COL19A1: variants seen among roughly 807,000 people sequenced by gnomAD.
COL19A1 encodes collagen alpha-1(XIX) chain.
COL19A1 carries 159 observed loss-of-function variants against 190.2 expected under a neutral mutation model. That is an observed-to-expected ratio of 0.84 (90% CI 0.73 to 0.95). COL19A1 has a LOEUF of 0.95. COL19A1 is among the 40% of genes least tolerant of loss of function. COL19A1 has a pLI of 0.00. For synonymous variants in COL19A1, 509 were observed against 458.9 expected (o/e 1.11, Z -1.39); for missense variants, 1,418 against 1,431.9 (o/e 0.99, Z 0.16).
intron 4 of COL19A1, among the ~76,000 whole-genome samples, chr6:69,906,239 C>T (rs1770540311): frequency 6.6e-6 from 1 of 152,150 alleles, no homozygotes; most frequent in Non-Finnish European, 1.5e-5. Flanking sequence ...TTTCTACATG[C>T]TGTTGGTTCT....
chr6:70,131,717 T>C (rs1785536015), intron 18 of COL19A1, among the ~76,000 whole-genome samples: 4 of 152,232 alleles, frequency 2.6e-5, no homozygotes, highest in Admixed American at 2.6e-4. Context: ...ATAGGACAGC[T>C]GAGCAAAGAA....
intron 12 of COL19A1, among the ~76,000 whole-genome samples, chr6:70,027,674 A>T (rs921990013): frequency 6.6e-6 from 1 of 152,180 alleles, no homozygotes; most frequent in African/African-American, 2.4e-5. Flanking sequence ...TAAATAATGC[A>T]TACAAAACAT....
chr6:69,936,016 C>T (rs1019398709), intron 7 of COL19A1, among the ~76,000 whole-genome samples: 2 of 152,112 alleles, frequency 1.3e-5, no homozygotes, highest in African/African-American at 4.8e-5. Flanking sequence ...TAACTCTCTC[C>T]TAGTGCTTTC....
At chr6:70,034,921 GT>G (rs1779268751) in intron 13 of COL19A1, among the ~76,000 whole-genome samples, 1 of 152,126 alleles carries the variant, frequency 6.6e-6, no homozygotes. Context: ...TTATCTCTGT[GT>G]TAAAGGTGAT....
chr6:69,905,068 C>A (rs1201196924), intron 4 of COL19A1, among the ~76,000 whole-genome samples: 1 of 152,128 alleles, frequency 6.6e-6, no homozygotes, highest in East Asian at 1.9e-4. Flanking sequence ...ACCACTGACA[C>A]CAGGTACCAC....
chr6:70,136,573 A>G (rs2150229634), intron 18 of COL19A1, among the ~76,000 whole-genome samples: 1 of 152,308 alleles, frequency 6.6e-6, no homozygotes, highest in East Asian at 1.9e-4. Flanking sequence ...ATTTGTTTCA[A>G]ATATTCAATA....
At chr6:70,161,288 T>C (rs16868588) in intron 34 of COL19A1, among the ~76,000 whole-genome samples, 4,539 of 152,272 alleles carry the variant, frequency 0.03, 250 homozygotes, top group African/African-American at 0.1. Flanking sequence ...AATCATCTAT[T>C]TCTTCAATGG....
intron 2 of COL19A1, chr6:69,889,824 T>C (rs1769218048): frequency 6.6e-6 from 1 of 151,934 alleles, no homozygotes; most frequent in African/African-American, 2.4e-5. Flanking sequence ...TGGGGAAAAA[T>C]AAGGGAATAA....
rs575017965 is a variant in COL19A1, at chr6:70,148,344, G to A, written c.1894-1360G>A. Among the ~76,000 whole-genome samples the A allele has an allele frequency of 3.3e-5, 5 of 151,904 alleles. No individual in the cohort carries two copies. In the East Asian group the frequency reaches 7.8e-4, roughly 24 times the overall value. ...AAACCCAAGGGATTAGGAGCTCTGT[G>A]TCAGGAACCAGGGTCAAAAAACAAG... On this transcript the variant is annotated intron_variant, in intron 27 of 50. Transcript: ENST00000620364.
Position 70,168,094 on chromosome 6 carries a change from A to G in COL19A1, c.2496+19A>G, listed in dbSNP as rs959199251. On this transcript the variant is annotated intron_variant, in intron 38 of 50. Coordinates refer to ENST00000620364, the MANE Select transcript of COL19A1 (RefSeq NM_001858.6). ...AATTAAGGTATTTATATTTGTAATT[A>G]TTTAAAATCCAGTTATAGACTGCTG... The G allele has an allele frequency of 1.3e-6, 2 of 1,584,470 alleles. No homozygotes were observed. Among genetic ancestry groups the G allele is most frequent in the Admixed American group, 1.7e-5 (1 of 59,312 alleles).
chr6:69,957,075 T>C (rs775949110), intron 9 of COL19A1, among the ~76,000 whole-genome samples: 69 of 152,076 alleles, frequency 4.5e-4, no homozygotes, highest in Non-Finnish European at 8.5e-4. Context: ...TTATACTGGG[T>C]TTGCAAACTA....
At chr6:70,006,466 C>T (rs1777632712) in intron 11 of COL19A1, among the ~76,000 whole-genome samples, 1 of 152,144 alleles carries the variant, frequency 6.6e-6, no homozygotes. Context: ...TGGATCATGC[C>T]AGTCACCTAG....
At chr6:69,946,464 G>A (rs1199036529) in intron 9 of COL19A1, among the ~76,000 whole-genome samples, 3 of 151,958 alleles carry the variant, frequency 2.0e-5, no homozygotes. Flanking sequence ...AAATTACAAA[G>A]CTGAATTACA....
chr6:70,042,689 T>C (rs1267084069), intron 14 of COL19A1, among the ~76,000 whole-genome samples: 1 of 152,144 alleles, frequency 6.6e-6, no homozygotes, highest in Non-Finnish European at 1.5e-5. Flanking sequence ...TTAGTAGCAT[T>C]TTACCCACAG....
chr6:70,055,781 T>TTAAAAAAAAAAA (rs547910835), intron 14 of COL19A1, among the ~76,000 whole-genome samples: 1 of 117,470 alleles, frequency 8.5e-6, no homozygotes, highest in African/African-American at 3.4e-5. Context: ...AACTCTGTAT[T>TTAAAAAAAAAAA]AAAAAAAAAA....
At chr6:70,044,285 G>C (rs1779789417) in intron 14 of COL19A1, among the ~76,000 whole-genome samples, 1 of 152,164 alleles carries the variant, frequency 6.6e-6, no homozygotes, top group Non-Finnish European at 1.5e-5. Flanking sequence ...CTTCATATCA[G>C]CAATATGGCT....
At chr6:70,008,171 C>T (rs1777750237) in intron 11 of COL19A1, among the ~76,000 whole-genome samples, 1 of 150,940 alleles carries the variant, frequency 6.6e-6, no homozygotes. Flanking sequence ...AAGGCAGGAA[C>T]AATAAAATCA....
chr6:70,009,968 TA>T (rs1256625911), intron 11 of COL19A1, among the ~76,000 whole-genome samples: 9 of 152,128 alleles, frequency 5.9e-5, no homozygotes, highest in African/African-American at 2.2e-4. Context: ...GAAATAAATG[TA>T]AAAACCAAAA....
rs1768000255 is a variant in COL19A1, at chr6:70,208,030, A to C, written c.*756A>C. The C allele has an allele frequency of 6.6e-6, 1 of 152,196 alleles. No individual in the cohort carries two copies. The highest frequency in any genetic ancestry group is 1.5e-5 in the Non-Finnish European group (1 of 68,024). The allele number at this position is 152,196 out of a possible 1,614,324, so 9.4% of individuals were successfully genotyped here. On this transcript the variant is annotated 3_prime_UTR_variant, in exon 51 of 51. Coordinates refer to ENST00000620364, the MANE Select transcript of COL19A1 (RefSeq NM_001858.6). ...GAGTATCAAATTCCAGTTTTGTATG[A>C]GTTCTGCAAAAAAAGCCTAATATTC...
Sources: gnomAD v4.1 joint callset for allele counts (sites outside exome capture counted in the v4.1 genomes callset) on GRCh38, gnomAD v4.1.1 for gene constraint, MANE v1.5 for transcripts, NCBI Gene and HGNC (gene_info 2026-07-23, HGNC 2026-07-21) for gene names.